Variants in CAPRIN1 observed in about 807,000 individuals in gnomAD.
CAPRIN1 encodes the protein cell cycle associated protein 1, also known as caprin-1.
CAPRIN1 carries 29 observed loss-of-function variants against 100.9 expected under a neutral mutation model. That is an observed-to-expected ratio of 0.29 (90% CI 0.21 to 0.39). The LOEUF is 0.39. Among genes scored for constraint, CAPRIN1 ranks in the 10% least tolerant of loss-of-function variants. The pLI is 1.00. For synonymous variants in CAPRIN1, 338 were observed against 307.5 expected (o/e 1.10, Z -1.04); for missense variants, 795 against 876.7 (o/e 0.91, Z 1.18).
At chr11:34,090,406 A>G (rs1195865373) in intron 13 of CAPRIN1, 117 bp downstream of exon 13, 1 of 1,318,180 alleles carries the variant, frequency 7.6e-7, no homozygotes, top group African/African-American at 1.5e-5. Flanking sequence ...GCTTTCATGA[A>G]ATATTTGAGT....
chr11:34,094,506 T>C (rs1565098202), intron 15 of CAPRIN1, among the ~76,000 whole-genome samples: 1 of 151,816 alleles, frequency 6.6e-6, no homozygotes, highest in South Asian at 2.1e-4. Flanking sequence ...AGTAGGAATT[T>C]GGGTATTTTA....
chr11:34,100,542 CTTA>C lies in CAPRIN1; in HGVS notation c.*1177_*1179del, dbSNP rs1851438592. 6.6e-6 allele frequency: 1 copy of C among 152,168 alleles called. No individual in the cohort carries two copies. Among genetic ancestry groups the C allele is most frequent in the Non-Finnish European group, 1.5e-5 (1 of 68,018 alleles). The allele number at this position is 152,168 out of a possible 1,614,324, so 9.4% of individuals were successfully genotyped here. A position where few individuals can be genotyped will look rare whatever the true frequency, so the allele number is the denominator to read the frequency against. ...AACACTGGTGTTCAACAGCTAGCAG[CTTA>C]TGTGATTCACCCCATGCCACGTTAG... On this transcript the variant is annotated 3_prime_UTR_variant, in exon 19 of 19. Transcript: ENST00000341394.
chr11:34,060,469 TG>T (rs1850554926), intron 2 of CAPRIN1, among the ~76,000 whole-genome samples: 1 of 152,170 alleles, frequency 6.6e-6, no homozygotes, highest in Non-Finnish European at 1.5e-5. Flanking sequence ...CCTCCCAAAG[TG>T]TTGGGATTAC....
chr11:34,072,580 C>G (rs1027231591), intron 4 of CAPRIN1, among the ~76,000 whole-genome samples: 9 of 152,016 alleles, frequency 5.9e-5, no homozygotes, highest in African/African-American at 2.2e-4. Flanking sequence ...CTTTAGGAAC[C>G]TTAAGGGGTA....
intron 2 of CAPRIN1, among the ~76,000 whole-genome samples, chr11:34,056,771 A>G (rs1850461078): frequency 6.6e-6 from 1 of 152,228 alleles, no homozygotes; most frequent in South Asian, 2.1e-4. Context: ...AAATTGTTAT[A>G]TTCTTTGTGA....
chr11:34,056,234 T>A (rs992853845), intron 2 of CAPRIN1, among the ~76,000 whole-genome samples: 2 of 152,170 alleles, frequency 1.3e-5, no homozygotes, highest in African/African-American at 4.8e-5. Flanking sequence ...ACCAAAATGC[T>A]TTTTTTATGG....
chr11:34,082,919 C>G (rs375065723), intron 8 of CAPRIN1, 36 bp from the exon 9 acceptor site: 122 of 1,612,074 alleles, frequency 7.6e-5, no homozygotes, highest in Middle Eastern at 3.3e-4. Flanking sequence ...TGCTGCCTTT[C>G]AAACAAATGT....
intron 11 of CAPRIN1, among the ~76,000 whole-genome samples, chr11:34,088,899 A>C (rs1277093109): frequency 6.6e-6 from 1 of 152,198 alleles, no homozygotes; most frequent in African/African-American, 2.4e-5. Context: ...CTCACTTGAA[A>C]GCTAAAATTT....
chr11:34,069,450 G>A (rs950146871), intron 2 of CAPRIN1, among the ~76,000 whole-genome samples: 1 of 151,866 alleles, frequency 6.6e-6, no homozygotes, highest in South Asian at 2.1e-4. Context: ...GCCTGGTCTA[G>A]TTTTTTATTT....
chr11:34,090,623 C>T lies in CAPRIN1; in HGVS notation c.1499C>T (p.Pro500Leu). The change falls in exon 14 of 19, where the codon CCT (proline) becomes CTT (leucine). Residue 500 changes from proline to leucine, a missense_variant. Coordinates refer to ENST00000341394, the MANE Select transcript of CAPRIN1 (RefSeq NM_005898.5). ...PQVFQAGTSK[P>L]LHSSGINVNA... is the part of the protein sequence containing the mutation. ...GTATTTCAGGCTGGGACAAGCAAAC[C>T]TTTACATAGCAGTGGAATCAATGTA... The T allele has an allele frequency of 1.2e-6, 2 of 1,614,110 alleles. No homozygotes were observed. Among genetic ancestry groups the T allele is most frequent in the Non-Finnish European group, 1.7e-6 (2 of 1,179,980 alleles).
rs1179348881 is a variant in CAPRIN1, at chr11:34,071,911, C to G, written c.290C>G (p.Ser97Cys). ...RLNQDQLDAV[S>C]KYQEVTNNLE... ...TCTTTGTCATTTTAGGATGCCGTTT[C>G]TAAGTACCAGGAAGTCACAAATAAT... The change falls in exon 4 of 19, where the codon TCT (serine) becomes TGT (cysteine). Residue 97 changes from serine (S) to cysteine (C), a missense_variant. Ser to Cys is a moderately radical substitution (Grantham distance 112). This residue lies in a region of CAPRIN1 where 38 missense variants were observed against 92.3 expected (regional missense o/e 0.41). Coordinates refer to ENST00000341394, the MANE Select transcript of CAPRIN1 (RefSeq NM_005898.5). 1 of 1,612,678 alleles carries G rather than the reference C, an allele frequency of 6.2e-7. No homozygotes were observed. The highest frequency in any genetic ancestry group is 2.2e-5 in the East Asian group (1 of 44,832).
chr11:34,092,425 C>T (rs1290216779), intron 15 of CAPRIN1, among the ~76,000 whole-genome samples: 2 of 150,626 alleles, frequency 1.3e-5, no homozygotes, highest in Non-Finnish European at 1.5e-5. Flanking sequence ...GCCGTGATCT[C>T]GGCTTACTGC....
intron 2 of CAPRIN1, among the ~76,000 whole-genome samples, chr11:34,064,884 G>T (rs1850654680): frequency 6.6e-6 from 1 of 151,152 alleles, no homozygotes; most frequent in Admixed American, 6.6e-5. Context: ...CAAGTTTTCT[G>T]GGTTGTTTAA....
intron 17 of CAPRIN1, 124 bp downstream of exon 17, chr11:34,097,420 T>G: frequency 1.2e-6 from 1 of 818,404 alleles, no homozygotes; most frequent in Non-Finnish European, 2.0e-6. Context: ...CAAGACACTC[T>G]GTTGAAACAA....
chr11:34,069,151 G>GTTT (rs759857309), intron 2 of CAPRIN1, among the ~76,000 whole-genome samples: 6 of 132,782 alleles, frequency 4.5e-5, no homozygotes, highest in Admixed American at 7.6e-5. Flanking sequence ...AACTTATTTA[G>GTTT]TTTTTTTTTT....
chr11:34,097,930 A>C lies in CAPRIN1; in HGVS notation c.2065+169A>C. On this transcript the variant is annotated intron_variant, in intron 18 of 18. Coordinates refer to ENST00000341394, the MANE Select transcript of CAPRIN1 (RefSeq NM_005898.5). ...AAACTTAATCTTGGACCCAAATTTT[A>C]ATTTTTGAATGATTTAATTTTCCCT... is the stretch of plus-strand genomic sequence containing the variant. 6 of 1,370,174 alleles carry C rather than the reference A, an allele frequency of 4.4e-6. No homozygotes were observed. In the South Asian group the frequency reaches 1.1e-4, roughly 25 times the overall value. The allele number at this position is 1,370,174 out of a possible 1,614,324, so 84.9% of individuals were successfully genotyped here.
intron 2 of CAPRIN1, among the ~76,000 whole-genome samples, chr11:34,069,169 T>A (rs1487027576): frequency 3.3e-5 from 5 of 151,192 alleles, no homozygotes; most frequent in Admixed American, 6.6e-5. Context: ...TTTTTTTTTT[T>A]AAGATGGAGT....
intron 18 of CAPRIN1, 198 bp from the exon 19 acceptor site, chr11:34,099,105 T>C: frequency 7.0e-7 from 1 of 1,427,644 alleles, no homozygotes; most frequent in East Asian, 2.5e-5. Flanking sequence ...ACTCTTCTTT[T>C]AGCTAAGAGA....
chr11:34,064,566 A>T (rs1204679807), intron 2 of CAPRIN1, among the ~76,000 whole-genome samples: 2 of 152,242 alleles, frequency 1.3e-5, no homozygotes, highest in Non-Finnish European at 2.9e-5. Flanking sequence ...TAATCTTTAT[A>T]GCTATAGTAA....
Sources: gnomAD v4.1 joint callset for allele counts (sites outside exome capture counted in the v4.1 genomes callset) on GRCh38, gnomAD v4.1.1 for gene constraint, gnomAD v4.1.1 regional missense constraint, MANE v1.5 for transcripts, NCBI Gene and HGNC (gene_info 2026-07-23, HGNC 2026-07-21) for gene names.